The following ITGA9 variants were observed in gnomAD, a reference collection of about 807,000 sequenced individuals.
ITGA9 encodes the protein integrin alpha-9.
A neutral mutation model predicts 127.8 loss-of-function variants in ITGA9; 56 were observed. The observed-to-expected ratio is 0.44, with a 90% confidence interval of 0.35 to 0.55. The LOEUF (loss-of-function observed/expected upper bound fraction) is 0.55, where lower values mean the gene tolerates loss of function less well. ITGA9 is among the 20% of genes least tolerant of loss of function. The pLI is 0.00. For missense variants in ITGA9, 1,196 were observed against 1,347.1 expected, an observed-to-expected ratio of 0.89 and a Z score of 1.76; for synonymous variants, 508 against 514.5, an observed-to-expected ratio of 0.99 and a Z score of 0.17.
chr3:37,815,198 T>C (rs773350305), intron 27 of ITGA9, among the ~76,000 whole-genome samples: 1 of 152,150 alleles, frequency 6.6e-6, no homozygotes, highest in Non-Finnish European at 1.5e-5. Context: ...CATGTAAGAG[T>C]GAGTTCAGGT....
chr3:37,754,658 C>T (rs1026811792), intron 23 of ITGA9, among the ~76,000 whole-genome samples: 2 of 152,108 alleles, frequency 1.3e-5, no homozygotes, highest in Non-Finnish European at 2.9e-5. Context: ...ATGTCTTTGC[C>T]ATAGGGTACC....
chr3:37,554,697 A>G (rs1044001042), intron 15 of ITGA9, among the ~76,000 whole-genome samples: 12 of 152,234 alleles, frequency 7.9e-5, no homozygotes, highest in African/African-American at 2.6e-4. Context: ...GGGGGATCCT[A>G]CAGCATTTCC....
chr3:37,776,147 CAAAG>C (rs1317152439), intron 23 of ITGA9, among the ~76,000 whole-genome samples: 1 of 152,004 alleles, frequency 6.6e-6, no homozygotes, highest in African/African-American at 2.4e-5. Context: ...CTCATGAACA[CAAAG>C]AAGGGAACAA....
intron 17 of ITGA9, among the ~76,000 whole-genome samples, chr3:37,668,155 G>C (rs540604096): frequency 7.1e-4 from 108 of 152,222 alleles, no homozygotes; most frequent in Middle Eastern, 3.4e-3. Context: ...AGCAGACACT[G>C]GCTGAGATTT....
At chr3:37,772,411 A>G (rs898167651) in intron 23 of ITGA9, among the ~76,000 whole-genome samples, 3 of 152,064 alleles carry the variant, frequency 2.0e-5, no homozygotes, top group African/African-American at 7.2e-5. Flanking sequence ...CCATCTCAAA[A>G]AAAAAACAAA....
At chr3:37,469,535 A>G (rs1579045261) in intron 1 of ITGA9, among the ~76,000 whole-genome samples, 1 of 152,178 alleles carries the variant, frequency 6.6e-6, no homozygotes, top group East Asian at 1.9e-4. Context: ...CTGAGGTTGA[A>G]TGACAACATT....
At chr3:37,473,527 G>C in intron 3 of ITGA9, 67 bp downstream of exon 3, 5 of 1,175,056 alleles carry the variant, frequency 4.3e-6, no homozygotes, top group Non-Finnish European at 6.3e-6. Flanking sequence ...CTGTTAGGAA[G>C]GCTGGATGGC....
rs1397611424 is a variant in ITGA9, at chr3:37,597,435, G to A, written c.1690-31752G>A. Reference sequence around the variant, plus strand: ...CAGGGAGACCAGGTAAGAAGTCTGCGGTGGTCTAATGGTGGAGGTGAAGAG... The same window carrying A: ...CAGGGAGACCAGGTAAGAAGTCTGCAGTGGTCTAATGGTGGAGGTGAAGAG... On this transcript the variant is annotated intron_variant, in intron 15 of 27. Transcript: ENST00000264741. The surrounding 1 kb of genome is among the most constrained non-coding windows in gnomAD (Gnocchi z 4.6). 1.3e-5 allele frequency among the ~76,000 whole-genome samples: 2 copies of A among 152,140 alleles called. No homozygotes were observed. Among genetic ancestry groups the A allele is most frequent in the African/African-American group, 2.4e-5 (1 of 41,432 alleles).
At chr3:37,707,655 T>G (rs763958118) in intron 18 of ITGA9, among the ~76,000 whole-genome samples, 3 of 152,202 alleles carry the variant, frequency 2.0e-5, no homozygotes, top group Non-Finnish European at 2.9e-5. Flanking sequence ...TTCTCTTCTT[T>G]CCGGTAGATG....
At chr3:37,591,968 T>C (rs1277260704) in intron 15 of ITGA9, among the ~76,000 whole-genome samples, 1 of 152,182 alleles carries the variant, frequency 6.6e-6, no homozygotes, top group Non-Finnish European at 1.5e-5. Context: ...AAGGCAAATA[T>C]ATAGAGTGGG....
rs1368572287 is a variant in ITGA9 at position 37,490,965 on chromosome 3, T to TCCCCCCC, written c.545-3536_545-3535insCCCCCCC. Among the ~76,000 whole-genome samples, 18 of 87,928 alleles carry TCCCCCCC rather than the reference T, an allele frequency of 2.0e-4. 1 individual carries two copies. The highest frequency in any genetic ancestry group is 7.9e-4 in the East Asian group (1 of 1,260). 57.7% of individuals were successfully genotyped at this position (87,928 alleles called of 152,430 possible). The stretch of plus-strand genomic sequence containing the variant: ...CTATCTTTTGGGTCTCAGATTTGGC[T>TCCCCCCC]TCCCCCCCGCTTTTTTTTTTTTTTT... On this transcript the variant is annotated intron_variant, in intron 4 of 27. Coordinates refer to ENST00000264741, the MANE Select transcript of ITGA9 (RefSeq NM_002207.3).
chr3:37,606,033 A>G (rs1237249612), intron 15 of ITGA9, among the ~76,000 whole-genome samples: 2 of 152,236 alleles, frequency 1.3e-5, no homozygotes, highest in South Asian at 2.1e-4. Context: ...ACATGCTCTC[A>G]GCACCAGTCA....
chr3:37,697,303 T>G (rs9821520), intron 18 of ITGA9, among the ~76,000 whole-genome samples: 281 of 129,142 alleles, frequency 2.2e-3, no homozygotes, highest in African/African-American at 7.8e-3. Context: ...TAACGACTAC[T>G]TCTGTTATTA....
At chr3:37,583,044 G>A (rs28600778) in intron 15 of ITGA9, among the ~76,000 whole-genome samples, 7 of 152,224 alleles carry the variant, frequency 4.6e-5, no homozygotes, top group African/African-American at 1.7e-4. Context: ...CTAGTGGCCC[G>A]CAGGCTGAGT....
chr3:37,741,969 G>C, intron 21 of ITGA9, 150 bp downstream of exon 21: 2 of 713,418 alleles, frequency 2.8e-6, no homozygotes, highest in Non-Finnish European at 5.1e-6. Context: ...TGAAGCTTTA[G>C]CTGCAGTAAC....
chr3:37,471,344 C>A (rs1349470964), intron 2 of ITGA9, among the ~76,000 whole-genome samples: 1 of 152,050 alleles, frequency 6.6e-6, no homozygotes, highest in Non-Finnish European at 1.5e-5. Context: ...TGCTGCCATC[C>A]CTAGTCCCAT....
rs762758352 is a variant in ITGA9 at position 37,820,113 on chromosome 3, A to C, written c.*1124A>C. 6.6e-6 allele frequency: 1 copy of C among 152,224 alleles called. No homozygotes were observed. The highest frequency in any genetic ancestry group is 1.5e-5 in the Non-Finnish European group (1 of 68,044). 9.4% of individuals were successfully genotyped at this position (152,224 alleles called of 1,614,324 possible). On this transcript the variant is annotated 3_prime_UTR_variant, in exon 28 of 28. Coordinates refer to ENST00000264741, the MANE Select transcript of ITGA9 (RefSeq NM_002207.3). ...ACAAGGATTTGTGTGCAAGTAACTT[A>C]TTAAGGAAGTATTCCCAGGGGATAC...
intron 15 of ITGA9, among the ~76,000 whole-genome samples, chr3:37,592,646 G>A (rs965023416): frequency 2.0e-5 from 3 of 152,152 alleles, no homozygotes; most frequent in Admixed American, 1.3e-4. Flanking sequence ...CTTGGGAAAC[G>A]GCGAGGTCAA....
chr3:37,682,935 C>T (rs1421122140), intron 17 of ITGA9, among the ~76,000 whole-genome samples: 3 of 152,182 alleles, frequency 2.0e-5, no homozygotes, highest in Non-Finnish European at 2.9e-5. Flanking sequence ...TACTCAGGCC[C>T]CCTGTTCCTC....
Sources: gnomAD v4.1 joint callset for allele counts (sites outside exome capture counted in the v4.1 genomes callset) on GRCh38, gnomAD v4.1.1 for gene constraint, Gnocchi (gnomAD v3.1) non-coding constraint, MANE v1.5 for transcripts, NCBI Gene and HGNC (gene_info 2026-07-23, HGNC 2026-07-21) for gene names.